The following MELK variants were observed in gnomAD, a reference collection of about 807,000 sequenced individuals.
MELK encodes pEg3 kinase.
In MELK, 81 loss-of-function variants were observed where a neutral mutation model predicts 85.0. The observed-to-expected ratio is 0.95, with a 90% CI of 0.80 to 1.15. MELK has a LOEUF of 1.15. Among genes scored for constraint, MELK ranks in the 50% most tolerant of loss-of-function variants. MELK has a pLI of 0.00. For missense variants in MELK, 754 were observed against 777.5 expected (o/e 0.97, Z 0.36); for synonymous variants, 252 against 265.0 (o/e 0.95, Z 0.48).
intron 1 of MELK, among the ~76,000 whole-genome samples, chr9:36,580,792 G>A (rs1293986675): frequency 6.7e-6 from 1 of 149,160 alleles, no homozygotes; most frequent in Admixed American, 6.7e-5. Context: ...GCAATGGCAC[G>A]ATGTCGGCTC....
intron 11 of MELK, among the ~76,000 whole-genome samples, chr9:36,645,772 C>T (rs1830164804): frequency 6.6e-6 from 1 of 152,090 alleles, no homozygotes; most frequent in African/African-American, 2.4e-5. Flanking sequence ...GACTGTGGTA[C>T]GCAGCCAGAG....
intron 11 of MELK, among the ~76,000 whole-genome samples, chr9:36,648,881 G>C (rs1830449407): frequency 6.6e-6 from 1 of 151,882 alleles, no homozygotes; most frequent in South Asian, 2.1e-4. Flanking sequence ...AAAATCACTA[G>C]AAATTTGAGG....
At chr9:36,663,102 C>CA (rs1411163109) in intron 13 of MELK, among the ~76,000 whole-genome samples, 3 of 149,868 alleles carry the variant, frequency 2.0e-5, no homozygotes, top group Non-Finnish European at 3.0e-5. Flanking sequence ...CTTTTTGAGA[C>CA]AGAGTTTCTC....
At chr9:36,660,509 A>G (rs947154381) in intron 13 of MELK, among the ~76,000 whole-genome samples, 2 of 151,868 alleles carry the variant, frequency 1.3e-5, no homozygotes, top group African/African-American at 4.8e-5. Context: ...TTTTGTAGAG[A>G]CAGGGTCTCA....
chr9:36,671,449 C>A (rs1832880275), intron 16 of MELK, among the ~76,000 whole-genome samples: 1 of 152,144 alleles, frequency 6.6e-6, no homozygotes, highest in African/African-American at 2.4e-5. Context: ...GCAGGGGGCA[C>A]AGATGGAGAG....
intron 3 of MELK, among the ~76,000 whole-genome samples, chr9:36,586,207 G>A (rs1240038432): frequency 6.6e-6 from 1 of 152,048 alleles, no homozygotes; most frequent in African/African-American, 2.4e-5. Context: ...GCTGGACATG[G>A]TGGTACACAC....
intron 8 of MELK, among the ~76,000 whole-genome samples, chr9:36,615,436 C>CG (rs1364666332): frequency 3.8e-4 from 52 of 135,480 alleles, no homozygotes; most frequent in Admixed American, 7.2e-4. Context: ...GCTGGCCAGG[C>CG]GGGGGGCTGA....
intron 8 of MELK, among the ~76,000 whole-genome samples, chr9:36,611,786 T>TATC (rs1409566050): frequency 1.3e-5 from 2 of 149,736 alleles, no homozygotes; most frequent in African/African-American, 5.0e-5. Flanking sequence ...TTATTATTAT[T>TATC]ATTTTGAGAT....
intron 8 of MELK, among the ~76,000 whole-genome samples, chr9:36,611,480 C>T (rs1389945934): frequency 6.6e-6 from 1 of 152,170 alleles, no homozygotes; most frequent in Admixed American, 6.5e-5. Context: ...TTCTTCCTAA[C>T]CATAGTTGCA....
At chr9:36,577,294 C>T (rs192313855) in intron 1 of MELK, among the ~76,000 whole-genome samples, 233 of 152,204 alleles carry the variant, frequency 1.5e-3, no homozygotes, top group South Asian at 1.9e-3. Context: ...GGGTGGATCA[C>T]CTGAGGTCAG....
Position 36,674,954 on chromosome 9 carries a change from C to G in MELK, c.1778+17C>G. The stretch of plus-strand genomic sequence containing the variant: ...ACAAAAGGGGTAAGAAGCACATTTA[C>G]AAGCTGTTGCATTTATTAGTATCTT... On this transcript the variant is annotated intron_variant, in intron 17 of 17. Coordinates refer to ENST00000298048, the MANE Select transcript of MELK (RefSeq NM_014791.4). The G allele has an allele frequency of 1.3e-6, 2 of 1,509,966 alleles. No individual in the cohort carries two copies. Among genetic ancestry groups the G allele is most frequent in the Non-Finnish European group, 1.8e-6 (2 of 1,087,436 alleles). The allele number at this position is 1,509,966 out of a possible 1,614,324, so 93.5% of individuals were successfully genotyped here. A position where few individuals can be genotyped will look rare whatever the true frequency, so the allele number is the denominator to read the frequency against.
At position 36,643,064 on chromosome 9, in the gene MELK, T is replaced by C. The variant is rs1344977542; in HGVS notation, c.902T>C (p.Met301Thr). 8 of 1,612,466 alleles carry C rather than the reference T, an allele frequency of 5.0e-6. No individual in the cohort carries two copies. The Middle Eastern group carries it at 6.6e-4, about 133-fold the overall frequency. The change falls in exon 11 of 18, where the codon ATG (methionine) becomes ACG (threonine). Residue 301 changes from methionine (M) to threonine (T), a missense_variant. Transcript: ENST00000298048. ...SVHHRNNRQT[M>T]EDLISLWQYD... ...CATCACAGAAACAACAGGCAAACAA[T>C]GGAGGATTTAATTTCACTGGTAAGA...
At chr9:36,612,566 G>A (rs1826161536) in intron 8 of MELK, among the ~76,000 whole-genome samples, 1 of 152,134 alleles carries the variant, frequency 6.6e-6, no homozygotes, top group South Asian at 2.1e-4. Context: ...TGTATGTTTA[G>A]TAGAGATGAG....
intron 8 of MELK, 78 bp from the exon 9 acceptor site, chr9:36,630,221 C>A: frequency 3.9e-6 from 4 of 1,032,048 alleles, no homozygotes; most frequent in Non-Finnish European, 3.0e-6. Flanking sequence ...TAAAAGTAAA[C>A]CTCCAGCATG....
chr9:36,599,593 T>TG, intron 7 of MELK, 107 bp downstream of exon 7: 1 of 652,080 alleles, frequency 1.5e-6, no homozygotes, highest in Non-Finnish European at 2.6e-6. Flanking sequence ...AAGTAAGAAA[T>TG]AATCTTGTTA....
At chr9:36,670,587 A>G (rs1385056627) in intron 15 of MELK, among the ~76,000 whole-genome samples, 2 of 151,406 alleles carry the variant, frequency 1.3e-5, no homozygotes, top group Non-Finnish European at 2.9e-5. Context: ...ATTGATGTAT[A>G]TATATCAGTG....
intron 10 of MELK, among the ~76,000 whole-genome samples, chr9:36,638,913 C>T (rs905067878): frequency 1.3e-5 from 2 of 152,082 alleles, no homozygotes; most frequent in African/African-American, 2.4e-5. Context: ...AAACGCACAC[C>T]GAAGGGTTCT....
At chr9:36,655,635 G>T (rs897628981) in intron 12 of MELK, among the ~76,000 whole-genome samples, 1 of 152,120 alleles carries the variant, frequency 6.6e-6, no homozygotes, top group Non-Finnish European at 1.5e-5. Context: ...TTAATCCAGT[G>T]GTGTATACGA....
At chr9:36,652,409 A>G (rs987805797) in intron 12 of MELK, among the ~76,000 whole-genome samples, 1 of 151,054 alleles carries the variant, frequency 6.6e-6, no homozygotes, top group Non-Finnish European at 1.5e-5. Context: ...CTTTTTTTTC[A>G]TAATAGCAAT....
Sources: allele counts gnomAD v4.1 joint callset (sites outside exome capture counted in the v4.1 genomes callset), GRCh38; gene constraint gnomAD v4.1.1; transcripts MANE v1.5; gene names NCBI Gene and HGNC (gene_info 2026-07-23, HGNC 2026-07-21).